The following SMIM22 variants were observed in gnomAD, a reference collection of about 807,000 sequenced individuals.
SMIM22 encodes small integral membrane protein 22, also known as cancer associated small integral membrane open reading frame 1.
A neutral mutation model predicts 8.4 loss-of-function variants in SMIM22; 16 were observed. That is an observed-to-expected ratio of 1.90 (90% confidence interval 1.29 to 2.89). The LOEUF (loss-of-function observed/expected upper bound fraction) is 2.89, where lower values mean the gene tolerates loss of function less well. Ranked by LOEUF, SMIM22 falls within the 30% of genes most tolerant of loss-of-function variation. SMIM22 has a pLI of 0.00. For missense variants in SMIM22, 159 were observed against 107.5 expected, an observed-to-expected ratio of 1.48 and a Z score of -2.12; for synonymous variants, 67 against 47.6, an observed-to-expected ratio of 1.41 and a Z score of -1.68.
rs949484293 is a variant in SMIM22 at position 4,796,014 on chromosome 16, G to A, written c.191G>A (p.Arg64His). ...HCCCCSSPGP[R>H]RESPRKVSPW... ...TGCTGCTGCAGCTCCCCCGGGCCCCGCAGGGAAAGCCCCAGGAAGGTGAGC... is the reference window on the plus strand; with the variant it reads ...TGCTGCTGCAGCTCCCCCGGGCCCCACAGGGAAAGCCCCAGGAAGGTGAGC... The change falls in exon 3 of 4, where the codon CGC becomes CAC. Residue 64 changes from arginine (R) to histidine (H), a missense_variant. Transcript: ENST00000586005. The A allele has an allele frequency of 1.2e-5, 18 of 1,516,814 alleles. No individual in the cohort carries two copies. The highest frequency in any genetic ancestry group is 2.5e-5 in the East Asian group (1 of 40,734). 94.0% of individuals were successfully genotyped at this position (1,516,814 alleles called of 1,614,324 possible). A position where few individuals can be genotyped will look rare whatever the true frequency, so the allele number is the denominator to read the frequency against.
upstream of SMIM22, among the ~76,000 whole-genome samples, chr16:4,791,863 T>G (rs1048405133): frequency 2.6e-5 from 4 of 151,868 alleles, no homozygotes; most frequent in Non-Finnish European, 4.4e-5. Flanking sequence ...AATTTTTGTA[T>G]TTTTAGTAGA....
At chr16:4,794,561 C>T (rs1437749534), upstream of SMIM22, among the ~76,000 whole-genome samples, 1 of 152,046 alleles carries the variant, frequency 6.6e-6, no homozygotes. Context: ...GCTGGGATTA[C>T]AGGAATGTGC....
At chr16:4,791,021 C>T (rs942520392), upstream of SMIM22, among the ~76,000 whole-genome samples, 1 of 152,202 alleles carries the variant, frequency 6.6e-6, no homozygotes, top group African/African-American at 2.4e-5. Context: ...GAACAAATGG[C>T]TCTGGTGATG....
upstream of SMIM22, among the ~76,000 whole-genome samples, chr16:4,791,844 C>T (rs1306403210): frequency 1.3e-5 from 2 of 152,070 alleles, no homozygotes; most frequent in Admixed American, 6.6e-5. Flanking sequence ...CCAACCACCA[C>T]GCCCGGCTAA....
At chr16:4,791,972 C>A (rs1256264461), upstream of SMIM22, among the ~76,000 whole-genome samples, 1 of 152,118 alleles carries the variant, frequency 6.6e-6, no homozygotes, top group Admixed American at 6.6e-5. Context: ...CTGGTGTGAG[C>A]CACCGCGCCT....
upstream of SMIM22, among the ~76,000 whole-genome samples, chr16:4,792,024 T>G (rs1355832904): frequency 6.6e-6 from 1 of 151,750 alleles, no homozygotes; most frequent in Non-Finnish European, 1.5e-5. Flanking sequence ...TTTCCAGATC[T>G]TCTTTAAGAG....
At chr16:4,789,941 G>A (rs1380260279) in intron 2 of SMIM22, 1 of 146,734 alleles carries the variant, frequency 6.8e-6, no homozygotes, top group Non-Finnish European at 1.5e-5. Flanking sequence ...TTGGGACAGG[G>A]TCTCACTTTG....
At chr16:4,795,665 C>A in intron 1 of SMIM22, 50 bp from the exon 2 acceptor site, 1 of 1,517,180 alleles carries the variant, frequency 6.6e-7, no homozygotes, top group Non-Finnish European at 8.8e-7. Context: ...ATGTGGTCCC[C>A]GCTGAGCTGA....
At chr16:4,793,612 C>G (rs2082588149), upstream of SMIM22, among the ~76,000 whole-genome samples, 1 of 152,172 alleles carries the variant, frequency 6.6e-6, no homozygotes, top group South Asian at 2.1e-4. Context: ...TACAGCTGGC[C>G]TTCCGTATCC....
At chr16:4,794,527 T>A (rs1191926348), upstream of SMIM22, among the ~76,000 whole-genome samples, 2 of 152,048 alleles carry the variant, frequency 1.3e-5, no homozygotes, top group African/African-American at 2.4e-5. Context: ...TTCAAGTGAT[T>A]CTCCTGCCTC....
upstream of SMIM22, among the ~76,000 whole-genome samples, chr16:4,794,417 T>C (rs1470120340): frequency 2.7e-5 from 4 of 149,482 alleles, no homozygotes; most frequent in African/African-American, 2.5e-5. Flanking sequence ...AATTTTTGTA[T>C]TTTTATCTTT....
At chr16:4,793,981 G>A (rs993311963), upstream of SMIM22, among the ~76,000 whole-genome samples, 7 of 152,132 alleles carry the variant, frequency 4.6e-5, no homozygotes, top group Admixed American at 6.6e-5. Flanking sequence ...TGTCACCCAG[G>A]CGGGTGTGCG....
At chr16:4,789,486 C>G (rs150546250) in intron 2 of SMIM22, among the ~76,000 whole-genome samples, 3 of 151,878 alleles carry the variant, frequency 2.0e-5, no homozygotes, top group Admixed American at 2.0e-4. Flanking sequence ...CCACCACGCC[C>G]GGCTAATTTT....
At chr16:4,793,982 C>T (rs898371543), upstream of SMIM22, among the ~76,000 whole-genome samples, 1 of 152,096 alleles carries the variant, frequency 6.6e-6, no homozygotes, top group Non-Finnish European at 1.5e-5. Flanking sequence ...GTCACCCAGG[C>T]GGGTGTGCGG....
Position 4,796,321 on chromosome 16 carries a change from G to C in SMIM22, c.*90G>C. 2 of 1,467,464 alleles carry C rather than the reference G, an allele frequency of 1.4e-6. No individual in the cohort carries two copies. The highest frequency in any genetic ancestry group is 1.7e-4 in the Middle Eastern group (1 of 5,734). The allele number at this position is 1,467,464 out of a possible 1,614,324, so 90.9% of individuals were successfully genotyped here. A position where few individuals can be genotyped will look rare whatever the true frequency, so the allele number is the denominator to read the frequency against. On this transcript the variant is annotated 3_prime_UTR_variant, in exon 4 of 4. Coordinates refer to ENST00000586005, the MANE Select transcript of SMIM22 (RefSeq NM_001253794.2). ...TGTCTTCCAGTCCCCGTCTGGGTGGGTGACGCGGGACTCGCCGCCCCACTC... is the reference window on the plus strand; with the variant it reads ...TGTCTTCCAGTCCCCGTCTGGGTGGCTGACGCGGGACTCGCCGCCCCACTC...
rs962652639 is a variant in SMIM22 at position 4,795,492 on chromosome 16, G to C, written c.-21+43G>C. 3 of 564,620 alleles carry C rather than the reference G, an allele frequency of 5.3e-6. No individual in the cohort carries two copies. In the African/African-American group the frequency reaches 5.7e-5, roughly 11 times the overall value. 35.0% of individuals were successfully genotyped at this position (564,620 alleles called of 1,614,324 possible). A position where few individuals can be genotyped will look rare whatever the true frequency, so the allele number is the denominator to read the frequency against. The stretch of plus-strand genomic sequence containing the variant: ...GGCTGGGCTGCCAGGGGGAGAGAGA[G>C]GGGAGATGACAGTGGCTGGGGAGAA... On this transcript the variant is annotated intron_variant, in intron 1 of 3. Coordinates refer to ENST00000586005, the MANE Select transcript of SMIM22 (RefSeq NM_001253794.2).
chr16:4,790,286 T>C (rs1428708765), intron 2 of SMIM22, among the ~76,000 whole-genome samples: 1 of 152,190 alleles, frequency 6.6e-6, no homozygotes, highest in African/African-American at 2.4e-5. Flanking sequence ...CAACTTTTCA[T>C]TGCAGTGAGA....
intron 1 of SMIM22, 117 bp from the exon 2 acceptor site, chr16:4,795,598 G>A (rs1024198359): frequency 2.4e-6 from 3 of 1,270,958 alleles, no homozygotes; most frequent in African/African-American, 3.0e-5. Context: ...GTGGGAGGGG[G>A]TGGGGAAGCT....
upstream of SMIM22, among the ~76,000 whole-genome samples, chr16:4,791,985 C>A (rs955695054): frequency 1.3e-5 from 2 of 152,076 alleles, no homozygotes; most frequent in African/African-American, 2.4e-5. Flanking sequence ...CCGCGCCTGG[C>A]CTGACTTTGT....
Sources: allele counts gnomAD v4.1 joint callset (sites outside exome capture counted in the v4.1 genomes callset), GRCh38; gene constraint gnomAD v4.1.1; transcripts MANE v1.5; gene names NCBI Gene and HGNC (gene_info 2026-07-23, HGNC 2026-07-21).